MTMR2: variants seen among roughly 807,000 people sequenced by gnomAD.
The protein encoded by MTMR2 is myotubularin related protein 2, also known as phosphatidylinositol-3,5-bisphosphate 3-phosphatase MTMR2.
In MTMR2, 55 loss-of-function variants were observed where a neutral mutation model predicts 86.9. The observed-to-expected ratio is 0.63, with a 90% CI of 0.51 to 0.79. The LOEUF is 0.79. MTMR2 is among the 30% of genes least tolerant of loss of function. The pLI, the probability that MTMR2 is intolerant of heterozygous loss-of-function variation, is 0.00. For synonymous variants in MTMR2, 241 were observed against 266.8 expected (o/e 0.90, Z 0.94); for missense variants, 659 against 772.3 (o/e 0.85, Z 1.74).
chr11:95,869,765 A>G (rs2135496031), intron 2 of MTMR2, among the ~76,000 whole-genome samples: 1 of 152,342 alleles, frequency 6.6e-6, no homozygotes, highest in East Asian at 1.9e-4. Flanking sequence ...AGTTTAGGGT[A>G]TCCTAGTGAA....
intron 7 of MTMR2, among the ~76,000 whole-genome samples, chr11:95,857,150 G>A (rs185133467): frequency 4.0e-5 from 6 of 151,880 alleles, no homozygotes; most frequent in African/African-American, 7.3e-5. Context: ...AAAATGCTAC[G>A]TTTGAAATTT....
intron 2 of MTMR2, among the ~76,000 whole-genome samples, chr11:95,879,321 G>A (rs1398397568): frequency 2.0e-5 from 3 of 152,106 alleles, no homozygotes; most frequent in African/African-American, 7.2e-5. Flanking sequence ...CACATAGGAG[G>A]GGAGGGCAGA....
intron 1 of MTMR2, among the ~76,000 whole-genome samples, chr11:95,893,345 A>G (rs967297509): frequency 2.0e-5 from 3 of 152,148 alleles, no homozygotes; most frequent in Non-Finnish European, 2.9e-5. Context: ...GAGGAAATTA[A>G]TCTTTGACTA....
chr11:95,908,736 TG>T (rs1328704093), intron 1 of MTMR2, among the ~76,000 whole-genome samples: 1 of 152,058 alleles, frequency 6.6e-6, no homozygotes, highest in African/African-American at 2.4e-5. Flanking sequence ...ATGCAAGCAT[TG>T]GGGAAAGGAC....
chr11:95,846,738 T>G (rs1286288946), intron 10 of MTMR2, among the ~76,000 whole-genome samples: 1 of 152,220 alleles, frequency 6.6e-6, no homozygotes, highest in African/African-American at 2.4e-5. Flanking sequence ...CGATTTATGT[T>G]AGTTCCAAAT....
At chr11:95,851,015 A>G (rs1863996141) in intron 7 of MTMR2, among the ~76,000 whole-genome samples, 1 of 140,108 alleles carries the variant, frequency 7.1e-6, no homozygotes, top group Non-Finnish European at 1.6e-5. Flanking sequence ...TGCTAAGCAT[A>G]TTCAGGAGGT....
intron 1 of MTMR2, among the ~76,000 whole-genome samples, chr11:95,889,215 C>T (rs1273491430): frequency 6.6e-6 from 1 of 151,552 alleles, no homozygotes; most frequent in Non-Finnish European, 1.5e-5. Context: ...GTCACTGCAA[C>T]CTCCGCCTCC....
intron 5 of MTMR2, among the ~76,000 whole-genome samples, chr11:95,859,868 C>A (rs1279738584): frequency 5.3e-5 from 8 of 152,120 alleles, no homozygotes; most frequent in Admixed American, 5.2e-4. Context: ...GCTTTACTAT[C>A]TTTTAAAATA....
In MTMR2 at chr11:95,833,415, T is replaced by C. The variant is rs925697030; in HGVS notation, c.*1875A>G. 7.2e-5 allele frequency: 11 copies of C among 152,066 alleles called. No homozygotes were observed. Among genetic ancestry groups the C allele is most frequent in the Admixed American group, 2.0e-4 (3 of 15,226 alleles). The allele number at this position is 152,066 out of a possible 1,614,324, so 9.4% of individuals were successfully genotyped here. On this transcript the variant is annotated 3_prime_UTR_variant, in exon 15 of 15. Transcript: ENST00000346299. Reference sequence around the variant, plus strand: ...TTTAAAAGTTTTGCTTGTGTAAATATATAAAAAGGGCTAGTATTCCTCCTC... The same window carrying C: ...TTTAAAAGTTTTGCTTGTGTAAATACATAAAAAGGGCTAGTATTCCTCCTC...
In MTMR2 at chr11:95,857,951, C is replaced by T. The variant is rs148316281; in HGVS notation, c.571-316G>A. On this transcript the variant is annotated intron_variant, in intron 6 of 14. Coordinates refer to ENST00000346299, the MANE Select transcript of MTMR2 (RefSeq NM_016156.6). ...CAAATAAAGACATTACATTTAAACA[C>T]AACTATGATGTGAAAAAAATTTGAA... 5.3e-4 allele frequency among the ~76,000 whole-genome samples: 81 copies of T among 152,204 alleles called. 2 individuals are homozygous for T. The highest frequency in any genetic ancestry group is 6.8e-3 in the Middle Eastern group (2 of 294).
At chr11:95,844,375 G>T (rs1863681495) in intron 11 of MTMR2, among the ~76,000 whole-genome samples, 1 of 152,112 alleles carries the variant, frequency 6.6e-6, no homozygotes, top group Admixed American at 6.6e-5. Flanking sequence ...GAACAACACG[G>T]TTAGAACTGC....
rs10552965 is a variant in MTMR2, at chr11:95,905,331, GCACACACACACACA to G, written c.81-17084_81-17071del. On this transcript the variant is annotated intron_variant, in intron 1 of 14. Coordinates refer to ENST00000346299, the MANE Select transcript of MTMR2 (RefSeq NM_016156.6). ...CTTACACACACACGCACGCACCTGC[GCACACACACACACA>G]CACACACACACACACACACACACAA... Among the ~76,000 whole-genome samples, 39 of 148,098 alleles carry G rather than the reference GCACACACACACACA, an allele frequency of 2.6e-4. 1 individual carries two copies. Among genetic ancestry groups the G allele is most frequent in the Admixed American group, 6.7e-4 (10 of 14,868 alleles).
At chr11:95,859,905 T>C (rs1864345805) in intron 5 of MTMR2, among the ~76,000 whole-genome samples, 2 of 152,296 alleles carry the variant, frequency 1.3e-5, no homozygotes, top group South Asian at 2.1e-4. Flanking sequence ...TAAGCTGATA[T>C]CTTGTTTTCC....
intron 6 of MTMR2, among the ~76,000 whole-genome samples, 192 bp downstream of exon 6, chr11:95,858,339 C>G (rs112639774): frequency 2.1e-4 from 32 of 152,298 alleles, no homozygotes; most frequent in Non-Finnish European, 3.8e-4. Flanking sequence ...CCTCAGAAAT[C>G]AGCTAGTCCA....
chr11:95,880,657 G>C (rs770067861), intron 2 of MTMR2, among the ~76,000 whole-genome samples: 3 of 152,028 alleles, frequency 2.0e-5, no homozygotes, highest in African/African-American at 4.8e-5. Context: ...CTTTAAAAAT[G>C]ACATATCCCT....
chr11:95,838,376 A>G (rs1436174732), intron 12 of MTMR2, among the ~76,000 whole-genome samples, 169 bp from the exon 13 acceptor site: 1 of 152,030 alleles, frequency 6.6e-6, no homozygotes, highest in Non-Finnish European at 1.5e-5. Flanking sequence ...TTCAAAAATC[A>G]TGTTATCACT....
chr11:95,867,592 A>C (rs1186390508), intron 2 of MTMR2, among the ~76,000 whole-genome samples: 1 of 152,224 alleles, frequency 6.6e-6, no homozygotes, highest in Non-Finnish European at 1.5e-5. Context: ...TTTGTCCAGC[A>C]GAGCTGCTCT....
intron 2 of MTMR2, among the ~76,000 whole-genome samples, chr11:95,878,263 A>G (rs1453075703): frequency 6.7e-6 from 1 of 149,892 alleles, no homozygotes; most frequent in Non-Finnish European, 1.5e-5. Flanking sequence ...ACAGAAAAAG[A>G]TTAGTGATTG....
At chr11:95,842,161 T>G (rs1054339881) in intron 11 of MTMR2, among the ~76,000 whole-genome samples, 2 of 152,178 alleles carry the variant, frequency 1.3e-5, no homozygotes, top group African/African-American at 4.8e-5. Context: ...CCCATTATCC[T>G]GCCAAGCAGA....
Sources: gnomAD v4.1 joint callset for allele counts (sites outside exome capture counted in the v4.1 genomes callset) on GRCh38, gnomAD v4.1.1 for gene constraint, MANE v1.5 for transcripts, NCBI Gene and HGNC (gene_info 2026-07-23, HGNC 2026-07-21) for gene names.